DLG2: variants seen among roughly 807,000 people sequenced by gnomAD.
DLG2 encodes the protein disks large homolog 2.
A neutral mutation model predicts 132.5 loss-of-function variants in DLG2; 45 were observed. That is an observed-to-expected ratio of 0.34 (90% CI 0.27 to 0.44). The LOEUF is 0.44. Among genes scored for constraint, DLG2 ranks in the 20% least tolerant of loss-of-function variants. The probability of loss-of-function intolerance (pLI) is 1.00; values close to 1 mark genes in which losing one functional copy is unlikely to be tolerated. For missense variants in DLG2, 1,045 were observed against 1,196.9 expected, an observed-to-expected ratio of 0.87 and a Z score of 1.87; for synonymous variants, 424 against 419.6, an observed-to-expected ratio of 1.01 and a Z score of -0.13.
chr11:84,452,744 G>A (rs1444150537), intron 7 of DLG2, among the ~76,000 whole-genome samples: 1 of 151,516 alleles, frequency 6.6e-6, no homozygotes, highest in Non-Finnish European at 1.5e-5. Flanking sequence ...GGATGGAGCA[G>A]GTTTTGTAAG....
chr11:84,560,955 C>A (rs185445497), intron 6 of DLG2, among the ~76,000 whole-genome samples: 338 of 152,142 alleles, frequency 2.2e-3, no homozygotes, highest in Non-Finnish European at 3.4e-3. Flanking sequence ...TTGGTAGATA[C>A]TAGGAATACA....
intron 3 of DLG2, among the ~76,000 whole-genome samples, chr11:85,594,096 G>A (rs1480056424): frequency 2.0e-5 from 3 of 152,028 alleles, no homozygotes; most frequent in Admixed American, 6.6e-5. Flanking sequence ...AAGTATATTC[G>A]ATTTACCATA....
At chr11:85,058,957 A>C (rs1253121985) in intron 6 of DLG2, among the ~76,000 whole-genome samples, 2 of 151,492 alleles carry the variant, frequency 1.3e-5, no homozygotes, top group Non-Finnish European at 3.0e-5. Flanking sequence ...GATTTCCTAA[A>C]AAGGACACAA....
chr11:84,023,876 C>T (rs991900691), intron 11 of DLG2, among the ~76,000 whole-genome samples: 6 of 152,006 alleles, frequency 3.9e-5, no homozygotes, highest in South Asian at 2.1e-4. Flanking sequence ...TACAATAATC[C>T]GCTTAATGAA....
At chr11:84,703,224 A>T (rs2059390938) in intron 6 of DLG2, among the ~76,000 whole-genome samples, 2 of 151,620 alleles carry the variant, frequency 1.3e-5, no homozygotes, top group Admixed American at 6.6e-5. Flanking sequence ...CTTTCAAAAA[A>T]ATGAATATGC....
At position 85,209,592 on chromosome 11, in the gene DLG2, TAAC is replaced by T. The variant is rs1169139856; in HGVS notation, c.187-54944_187-54942del. Among the ~76,000 whole-genome samples the T allele has an allele frequency of 4.5e-5, 5 of 111,136 alleles. No homozygotes were observed. The South Asian group carries it at 1.5e-3, about 33-fold the overall frequency. 72.9% of individuals were successfully genotyped at this position (111,136 alleles called of 152,430 possible). ...ACAGGAGCACACTACCACACCCAGC[TAAC>T]TTTTTTTTTTTTTTTTGTATGTTCA... On this transcript the variant is annotated intron_variant, in intron 4 of 27. Transcript: ENST00000376104.
intron 7 of DLG2, among the ~76,000 whole-genome samples, chr11:84,346,555 T>TA (rs2098540018): frequency 6.6e-6 from 1 of 152,220 alleles, no homozygotes; most frequent in Admixed American, 6.5e-5. Context: ...CCATTTATCT[T>TA]ACTGACTGTA....
At chr11:84,437,284 T>TC (rs2099003632) in intron 7 of DLG2, 1 of 152,074 alleles carries the variant, frequency 6.6e-6, no homozygotes, top group Non-Finnish European at 1.5e-5. Flanking sequence ...AGAGGCAGGT[T>TC]CTCACTCCAA....
intron 18 of DLG2, among the ~76,000 whole-genome samples, chr11:83,775,918 T>C (rs10219353): frequency 0.099 from 15,026 of 151,940 alleles, 814 homozygotes; most frequent in South Asian, 0.19. Flanking sequence ...CGGTGAAACC[T>C]CGTCTCTACT....
intron 6 of DLG2, among the ~76,000 whole-genome samples, chr11:84,592,241 A>G (rs1269178135): frequency 1.3e-5 from 2 of 152,228 alleles, no homozygotes; most frequent in African/African-American, 4.8e-5. Flanking sequence ...TCAATTACTT[A>G]TGGGGACATT....
intron 18 of DLG2, among the ~76,000 whole-genome samples, chr11:83,784,767 G>T (rs1034261128): frequency 2.0e-5 from 3 of 152,134 alleles, no homozygotes; most frequent in Non-Finnish European, 4.4e-5. Flanking sequence ...TTCTGTTCAA[G>T]GTTATTTGAA....
intron 7 of DLG2, among the ~76,000 whole-genome samples, chr11:84,395,440 A>G (rs2098807750): frequency 3.9e-5 from 6 of 151,906 alleles, no homozygotes. Context: ...TTTTGGAGAC[A>G]GGGTCTCATT....
intron 6 of DLG2, among the ~76,000 whole-genome samples, chr11:84,836,076 G>T (rs372271488): frequency 1.3e-5 from 2 of 151,736 alleles, no homozygotes; most frequent in Admixed American, 6.6e-5. Flanking sequence ...GACTTACCCT[G>T]AGGCAGTTAC....
chr11:83,918,333 G>A (rs559932154), intron 15 of DLG2, among the ~76,000 whole-genome samples: 64 of 152,250 alleles, frequency 4.2e-4, no homozygotes, highest in Admixed American at 2.9e-3. Flanking sequence ...AGGTGCTCTC[G>A]ACCTATTGGA....
At chr11:85,237,564 C>A (rs1457093049) in intron 4 of DLG2, among the ~76,000 whole-genome samples, 1 of 151,998 alleles carries the variant, frequency 6.6e-6, no homozygotes, top group Non-Finnish European at 1.5e-5. Context: ...CTAAATCCCT[C>A]CACTAACTGA....
At chr11:85,317,564 G>A (rs996009531) in intron 3 of DLG2, among the ~76,000 whole-genome samples, 8 of 151,974 alleles carry the variant, frequency 5.3e-5, no homozygotes, top group African/African-American at 1.9e-4. Flanking sequence ...ATAGTGGTAT[G>A]TGCTGGATGC....
chr11:84,705,334 G>T (rs1464543352), intron 6 of DLG2, among the ~76,000 whole-genome samples: 3 of 151,616 alleles, frequency 2.0e-5, no homozygotes, highest in Admixed American at 6.6e-5. Flanking sequence ...CAACATGGCT[G>T]ACAGGTTCCT....
At chr11:85,162,285 G>C (rs1358441763) in intron 4 of DLG2, among the ~76,000 whole-genome samples, 1 of 152,130 alleles carries the variant, frequency 6.6e-6, no homozygotes, top group Non-Finnish European at 1.5e-5. Flanking sequence ...TAAGGTCAAT[G>C]GGAAATGACA....
chr11:84,284,050 A>G (rs1228043442), intron 7 of DLG2, among the ~76,000 whole-genome samples: 1 of 152,134 alleles, frequency 6.6e-6, no homozygotes, highest in African/African-American at 2.4e-5. Context: ...CCTGACCAAC[A>G]TGAAGAAACC....
Sources: allele counts gnomAD v4.1 joint callset (sites outside exome capture counted in the v4.1 genomes callset), GRCh38; gene constraint gnomAD v4.1.1; transcripts MANE v1.5; gene names NCBI Gene and HGNC (gene_info 2026-07-23, HGNC 2026-07-21).